Variants in LUZP2 observed in about 807,000 individuals in gnomAD.
LUZP2 encodes the protein leucine zipper protein 2.
In LUZP2, 52 loss-of-function variants were observed where a neutral mutation model predicts 51.6. That is an observed-to-expected ratio of 1.01 (90% CI 0.81 to 1.27). LUZP2 has a LOEUF of 1.27. Among genes scored for constraint, LUZP2 ranks in the 50% most tolerant of loss-of-function variants. LUZP2 has a pLI of 0.00. For synonymous variants in LUZP2, 154 were observed against 137.3 expected (o/e 1.12, Z -0.85); for missense variants, 436 against 395.4 (o/e 1.10, Z -0.87).
chr11:24,948,842 TC>T (rs1854982411), intron 7 of LUZP2, among the ~76,000 whole-genome samples: 4 of 147,952 alleles, frequency 2.7e-5, no homozygotes, highest in Non-Finnish European at 6.0e-5. Flanking sequence ...TATCTATCTA[TC>T]TATCTATCTA....
rs376557749 is a variant in LUZP2, at chr11:24,761,557, A to G, written c.334-1689A>G. On this transcript the variant is annotated intron_variant, in intron 4 of 11. Transcript: ENST00000336930. ...GGATGATTGCTAATGCCAGAGCTGT[A>G]TCCAGGCTGTGGGCCACTCACCTCT... Among the ~76,000 whole-genome samples the G allele has an allele frequency of 3.3e-5, 5 of 152,292 alleles. No individual in the cohort carries two copies. The East Asian group carries it at 7.7e-4, about 24-fold the overall frequency.
At chr11:24,841,728 G>T (rs957946187) in intron 5 of LUZP2, among the ~76,000 whole-genome samples, 1 of 151,904 alleles carries the variant, frequency 6.6e-6, no homozygotes, top group African/African-American at 2.4e-5. Context: ...AAATTAACTG[G>T]CACATAGATA....
chr11:24,817,292 C>T (rs11825887), intron 5 of LUZP2, among the ~76,000 whole-genome samples: 2,450 of 152,110 alleles, frequency 0.016, 83 homozygotes, highest in African/African-American at 0.056. Flanking sequence ...TAAGATATTT[C>T]GGACCCGGTG....
At chr11:25,032,521 C>T (rs1565257542) in intron 9 of LUZP2, among the ~76,000 whole-genome samples, 1 of 152,058 alleles carries the variant, frequency 6.6e-6, no homozygotes, top group Non-Finnish European at 1.5e-5. Flanking sequence ...CTGATACTCC[C>T]TCACCCAGAA....
intron 5 of LUZP2, among the ~76,000 whole-genome samples, chr11:24,861,322 A>T (rs184835331): frequency 2.0e-4 from 31 of 152,294 alleles, no homozygotes; most frequent in Non-Finnish European, 4.3e-4. Flanking sequence ...CCAAACCTAC[A>T]ATTGATCAGA....
At chr11:24,560,117 G>A (rs1851988526) in intron 1 of LUZP2, among the ~76,000 whole-genome samples, 1 of 152,170 alleles carries the variant, frequency 6.6e-6, no homozygotes, top group Admixed American at 6.5e-5. Flanking sequence ...AGTGTGATGA[G>A]TGGTATGATT....
At chr11:24,766,487 G>A (rs938065050) in intron 5 of LUZP2, among the ~76,000 whole-genome samples, 1 of 152,182 alleles carries the variant, frequency 6.6e-6, no homozygotes, top group Non-Finnish European at 1.5e-5. Flanking sequence ...TTTAGTGGTT[G>A]TAGTGATAGT....
chr11:25,071,107 C>A (rs1859144724), intron 10 of LUZP2, among the ~76,000 whole-genome samples: 1 of 112,038 alleles, frequency 8.9e-6, no homozygotes, highest in African/African-American at 3.0e-5. Context: ...TTTTGTAAAT[C>A]ATAAATCTAC....
chr11:24,737,473 T>C (rs1455894327), intron 3 of LUZP2, among the ~76,000 whole-genome samples: 1 of 151,322 alleles, frequency 6.6e-6, no homozygotes, highest in Non-Finnish European at 1.5e-5. Flanking sequence ...TTATCTAATA[T>C]CTGATCTATT....
chr11:24,514,597 C>T (rs1850407576), intron 1 of LUZP2, among the ~76,000 whole-genome samples: 3 of 152,164 alleles, frequency 2.0e-5, no homozygotes, highest in African/African-American at 7.2e-5. Context: ...CATCGTCATA[C>T]AGAACCAACT....
chr11:24,991,816 A>T (rs577490167), intron 9 of LUZP2, among the ~76,000 whole-genome samples: 18 of 152,168 alleles, frequency 1.2e-4, no homozygotes, highest in Admixed American at 5.9e-4. Context: ...TTCCCTGATC[A>T]TTAGTGATGT....
intron 9 of LUZP2, among the ~76,000 whole-genome samples, chr11:24,990,259 C>G (rs1302463740): frequency 6.6e-6 from 1 of 152,034 alleles, no homozygotes; most frequent in East Asian, 1.9e-4. Flanking sequence ...AGTTTTCCAA[C>G]TGTTTAAACA....
At chr11:24,984,377 T>A (rs1311071501) in intron 9 of LUZP2, among the ~76,000 whole-genome samples, 1 of 151,044 alleles carries the variant, frequency 6.6e-6, no homozygotes, top group Non-Finnish European at 1.5e-5. Context: ...TGTTTTTATG[T>A]GTAACTAGTC....
chr11:24,695,476 A>G (rs1169696226), intron 1 of LUZP2, among the ~76,000 whole-genome samples: 1 of 152,110 alleles, frequency 6.6e-6, no homozygotes, highest in Non-Finnish European at 1.5e-5. Flanking sequence ...GAGAACATTT[A>G]GAATGATCTC....
At position 24,512,045 on chromosome 11, in the gene LUZP2, G is replaced by T. The variant is rs80060314; in HGVS notation, c.62+14740G>T. Among the ~76,000 whole-genome samples the T allele has an allele frequency of 8.5e-3, 1,301 of 152,252 alleles. 14 individuals are homozygous for T. The highest frequency in any genetic ancestry group is 0.03 in the African/African-American group (1,228 of 41,540). On this transcript the variant is annotated intron_variant, in intron 1 of 11. Transcript: ENST00000336930. The stretch of plus-strand genomic sequence containing the variant: ...GGAGAGTGAATAAAGAAAGTTGAAG[G>T]AGTTTCTCTGTATACTTTTGTCCAA...
chr11:24,538,137 A>G (rs997850320), intron 1 of LUZP2, among the ~76,000 whole-genome samples: 1 of 151,912 alleles, frequency 6.6e-6, no homozygotes. Flanking sequence ...CTGAAATCAC[A>G]TTTATAAATA....
intron 1 of LUZP2, among the ~76,000 whole-genome samples, chr11:24,680,335 A>C (rs1250236428): frequency 6.6e-6 from 1 of 152,188 alleles, no homozygotes; most frequent in Non-Finnish European, 1.5e-5. Flanking sequence ...CAAACATGTC[A>C]GAAGGGTTTT....
At chr11:24,804,292 T>G (rs1055126719) in intron 5 of LUZP2, among the ~76,000 whole-genome samples, 6 of 152,106 alleles carry the variant, frequency 3.9e-5, no homozygotes, top group African/African-American at 1.4e-4. Flanking sequence ...AAAGCCTATG[T>G]TTCTAGTTAC....
chr11:24,890,112 C>A (rs188836801), intron 5 of LUZP2, among the ~76,000 whole-genome samples: 1 of 151,998 alleles, frequency 6.6e-6, no homozygotes, highest in Non-Finnish European at 1.5e-5. Context: ...ACATGATATA[C>A]GAATTTCCCT....
Sources: allele counts gnomAD v4.1 joint callset (sites outside exome capture counted in the v4.1 genomes callset), GRCh38; gene constraint gnomAD v4.1.1; transcripts MANE v1.5; gene names NCBI Gene and HGNC (gene_info 2026-07-23, HGNC 2026-07-21).